The following CRK variants were observed in gnomAD, a reference collection of about 807,000 sequenced individuals.
CRK encodes the protein adapter molecule crk.
Under a neutral mutation model 29.8 loss-of-function variants are expected in CRK, and 4 were observed. The ratio of observed to expected loss-of-function variants is 0.13; its 90% CI spans 0.07 to 0.31. CRK has a LOEUF of 0.31. Among genes scored for constraint, CRK ranks in the 10% least tolerant of loss-of-function variants. The pLI is 1.00. For missense variants in CRK, 274 were observed against 396.5 expected (o/e 0.69, Z 2.62); for synonymous variants, 153 against 164.9 (o/e 0.93, Z 0.55).
At chr17:1,447,421 G>A (rs1011581308) in intron 1 of CRK, among the ~76,000 whole-genome samples, 2 of 152,068 alleles carry the variant, frequency 1.3e-5, no homozygotes, top group Admixed American at 6.6e-5. Flanking sequence ...TGCTCAGCCC[G>A]TTACTTCTAA....
intron 2 of CRK, among the ~76,000 whole-genome samples, chr17:1,430,018 G>A (rs1050497331): frequency 6.6e-6 from 1 of 151,034 alleles, no homozygotes; most frequent in Admixed American, 6.6e-5. Context: ...ACGGAGATGA[G>A]ATAATGGCTA....
chr17:1,429,365 C>G (rs2073815014), intron 2 of CRK, among the ~76,000 whole-genome samples: 1 of 151,994 alleles, frequency 6.6e-6, no homozygotes, highest in African/African-American at 2.4e-5. Context: ...TCATTGCAAA[C>G]TCCGCCTCCT....
At chr17:1,449,202 A>G (rs1352986742) in intron 1 of CRK, among the ~76,000 whole-genome samples, 2 of 152,128 alleles carry the variant, frequency 1.3e-5, no homozygotes, top group Non-Finnish European at 2.9e-5. Flanking sequence ...TGAGCAGGTA[A>G]CAGGAGGCAC....
At chr17:1,453,179 G>A (rs1034212789) in intron 1 of CRK, among the ~76,000 whole-genome samples, 1 of 152,152 alleles carries the variant, frequency 6.6e-6, no homozygotes, top group African/African-American at 2.4e-5. Flanking sequence ...CACAATACTC[G>A]TGAATTTTCC....
At chr17:1,445,785 C>G (rs776964572) in intron 1 of CRK, among the ~76,000 whole-genome samples, 1 of 152,178 alleles carries the variant, frequency 6.6e-6, no homozygotes, top group Non-Finnish European at 1.5e-5. Flanking sequence ...GCCACCTGGG[C>G]ACCCATGGCT....
chr17:1,430,095 A>C (rs958900077), intron 2 of CRK, among the ~76,000 whole-genome samples: 8 of 150,598 alleles, frequency 5.3e-5, no homozygotes, highest in African/African-American at 2.0e-4. Flanking sequence ...CCCAGGCTGG[A>C]GTGCAGTGGC....
chr17:1,449,252 C>T (rs1334842018), intron 1 of CRK, among the ~76,000 whole-genome samples: 2 of 152,172 alleles, frequency 1.3e-5, no homozygotes, highest in Non-Finnish European at 2.9e-5. Flanking sequence ...TCCTTTCACA[C>T]TTACGGATGC....
chr17:1,432,239 A>T (rs1210138740), intron 2 of CRK, among the ~76,000 whole-genome samples: 3 of 152,164 alleles, frequency 2.0e-5, no homozygotes. Context: ...CTATAATCCC[A>T]GCACTTTGGG....
rs2073734540 is a variant in CRK at position 1,422,293 on chromosome 17, A to C, written c.*1220T>G. ...ATTCTCCTGCCTCAGCCTCCCGAGT[A>C]GCTGGGATTACAGGCGTGCACCACC... On this transcript the variant is annotated 3_prime_UTR_variant, in exon 3 of 3. Coordinates refer to ENST00000300574, the MANE Select transcript of CRK (RefSeq NM_016823.4). 1 of 151,282 alleles carries C rather than the reference A, an allele frequency of 6.6e-6. No homozygotes were observed. The highest frequency in any genetic ancestry group is 2.1e-4 in the South Asian group (1 of 4,802). 9.4% of individuals were successfully genotyped at this position (151,282 alleles called of 1,614,324 possible). A position where few individuals can be genotyped will look rare whatever the true frequency, so the allele number is the denominator to read the frequency against.
chr17:1,447,100 C>T (rs1444363543), intron 1 of CRK, among the ~76,000 whole-genome samples: 1 of 152,176 alleles, frequency 6.6e-6, no homozygotes. Context: ...GAACAGAACA[C>T]ACATAAGTCC....
At position 1,422,699 on chromosome 17, in the gene CRK, T is replaced by C. The variant is rs1411745587; in HGVS notation, c.*814A>G. The C allele has an allele frequency of 2.7e-6, 1 of 364,272 alleles. No individual in the cohort carries two copies. The highest frequency in any genetic ancestry group is 4.9e-6 in the Non-Finnish European group (1 of 204,498). The allele number at this position is 364,272 out of a possible 1,614,324, so 22.6% of individuals were successfully genotyped here. ...TGCTGGATCCCATTAGTTAGGACTC[T>C]AGTTAGCTGCTGTAGAAGGGTGACC... On this transcript the variant is annotated 3_prime_UTR_variant, in exon 3 of 3. Coordinates refer to ENST00000300574, the MANE Select transcript of CRK (RefSeq NM_016823.4).
intron 2 of CRK, among the ~76,000 whole-genome samples, chr17:1,434,216 AG>A (rs1258629112): frequency 2.0e-5 from 3 of 152,184 alleles, no homozygotes; most frequent in Non-Finnish European, 4.4e-5. Flanking sequence ...GAAACAAATG[AG>A]GACAATTCAG....
At chr17:1,429,620 T>TA (rs928359943) in intron 2 of CRK, among the ~76,000 whole-genome samples, 2 of 97,492 alleles carry the variant, frequency 2.1e-5, no homozygotes, top group Non-Finnish European at 4.3e-5. Flanking sequence ...TGAAACTCTG[T>TA]CTCTCTTAAA....
intron 2 of CRK, among the ~76,000 whole-genome samples, chr17:1,434,825 T>C (rs973024345): frequency 1.4e-5 from 2 of 142,298 alleles, no homozygotes; most frequent in African/African-American, 5.2e-5. Flanking sequence ...AAAAACCCAA[T>C]ACCCAAATCA....
At chr17:1,445,415 G>A (rs1044497471) in intron 1 of CRK, among the ~76,000 whole-genome samples, 2 of 152,174 alleles carry the variant, frequency 1.3e-5, no homozygotes, top group African/African-American at 4.8e-5. Context: ...GACACTGAAA[G>A]GGGTGCGAGT....
intron 2 of CRK, among the ~76,000 whole-genome samples, chr17:1,431,963 T>C (rs2073848329): frequency 6.6e-6 from 1 of 152,152 alleles, no homozygotes; most frequent in Admixed American, 6.5e-5. Context: ...TAATATGAAT[T>C]ACCAATGAAC....
chr17:1,448,411 G>A (rs942807769), intron 1 of CRK, among the ~76,000 whole-genome samples: 1 of 151,896 alleles, frequency 6.6e-6, no homozygotes, highest in African/African-American at 2.4e-5. Context: ...AATCACTGAG[G>A]TCAGGAGTTC....
At chr17:1,445,239 G>A (rs571214272) in intron 1 of CRK, among the ~76,000 whole-genome samples, 19 of 152,260 alleles carry the variant, frequency 1.2e-4, no homozygotes, top group Middle Eastern at 3.4e-3. Context: ...GGTAGAAAGA[G>A]TACTGATGAG....
chr17:1,439,099 T>C (rs979690267), intron 1 of CRK, among the ~76,000 whole-genome samples: 7 of 152,244 alleles, frequency 4.6e-5, no homozygotes, highest in African/African-American at 1.7e-4. Flanking sequence ...TTTGGGATCA[T>C]AGGTGTGGGA....
Sources: gnomAD v4.1 joint callset for allele counts (sites outside exome capture counted in the v4.1 genomes callset) on GRCh38, gnomAD v4.1.1 for gene constraint, MANE v1.5 for transcripts, NCBI Gene and HGNC (gene_info 2026-07-23, HGNC 2026-07-21) for gene names.